Variants in PRIM2 observed in about 807,000 individuals in gnomAD.
PRIM2 encodes the protein DNA primase subunit 2, also known as DNA primase large subunit.
A neutral mutation model predicts 67.3 loss-of-function variants in PRIM2; 39 were observed. The ratio of observed to expected loss-of-function variants is 0.58; its 90% CI spans 0.45 to 0.76. The LOEUF (loss-of-function observed/expected upper bound fraction) is 0.76. PRIM2 is among the 30% of genes least tolerant of loss of function. The pLI, the probability that PRIM2 is intolerant of heterozygous loss-of-function variation, is 0.00. For synonymous variants in PRIM2, 143 were observed against 198.7 expected, an observed-to-expected ratio of 0.72 and a Z score of 2.36; for missense variants, 398 against 598.7, an observed-to-expected ratio of 0.66 and a Z score of 3.50.
chr6:57,248,703 G>A, the PRIM2 span, among the ~76,000 whole-genome samples: 1 of 152,164 alleles, frequency 6.6e-6, no homozygotes, highest in Non-Finnish European at 1.5e-5. Context: ...TCCATTGCAG[G>A]AGGGGACCAG....
the PRIM2 span, among the ~76,000 whole-genome samples, chr6:57,223,944 G>A: frequency 8.5e-5 from 13 of 152,078 alleles, no homozygotes; most frequent in Non-Finnish European, 1.6e-4. Context: ...TAGAATTATC[G>A]TATGATTAAA....
chr6:57,584,264 A>G (rs1233558936), intron 10 of PRIM2, among the ~76,000 whole-genome samples: 4 of 152,274 alleles, frequency 2.6e-5, no homozygotes, highest in Non-Finnish European at 4.4e-5. Context: ...AAACAAACCC[A>G]CTAGCCAGCC....
At chr6:57,625,296 A>C (rs1776929624) in intron 12 of PRIM2, among the ~76,000 whole-genome samples, 1 of 152,196 alleles carries the variant, frequency 6.6e-6, no homozygotes, top group South Asian at 2.1e-4. Flanking sequence ...AGATCTATGA[A>C]AAATGGATTC....
intron 7 of PRIM2, among the ~76,000 whole-genome samples, chr6:57,499,598 C>CTT (rs1279739549): frequency 6.6e-6 from 1 of 152,190 alleles, no homozygotes; most frequent in African/African-American, 2.4e-5. Context: ...TTCAGTCATA[C>CTT]TTCTGCACAA....
intron 5 of PRIM2, among the ~76,000 whole-genome samples, chr6:57,345,506 G>GTGTGTGTGTGTACA (rs369673115): frequency 0.054 from 6,542 of 121,798 alleles, 207 homozygotes; most frequent in Middle Eastern, 0.087. Flanking sequence ...GTGTGTGTGT[G>GTGTGTGTGTGTACA]TACATACATA....
intron 10 of PRIM2, among the ~76,000 whole-genome samples, chr6:57,571,565 G>T (rs1183578160): frequency 6.6e-6 from 1 of 152,126 alleles, no homozygotes; most frequent in African/African-American, 2.4e-5. Context: ...TGGGAGAATT[G>T]CTTCCACCTG....
At chr6:57,293,376 A>G in the PRIM2 span, among the ~76,000 whole-genome samples, 16 of 152,350 alleles carry the variant, frequency 1.1e-4, 1 homozygote, top group East Asian at 2.7e-3. Context: ...GAATGCTTTT[A>G]CACTGTTGGT....
chr6:57,505,524 G>A (rs1774231821), intron 7 of PRIM2, among the ~76,000 whole-genome samples: 1 of 152,178 alleles, frequency 6.6e-6, no homozygotes, highest in Admixed American at 6.5e-5. Flanking sequence ...TTAAGAAAAT[G>A]TCTGATGAAA....
At chr6:57,569,773 A>G (rs1775825937) in intron 10 of PRIM2, among the ~76,000 whole-genome samples, 1 of 149,138 alleles carries the variant, frequency 6.7e-6, no homozygotes, top group African/African-American at 2.5e-5. Context: ...TTTGAGATGG[A>G]GTCTTGCTCT....
chr6:57,502,091 C>T (rs2127457949), intron 7 of PRIM2, among the ~76,000 whole-genome samples: 1 of 152,230 alleles, frequency 6.6e-6, no homozygotes, highest in Admixed American at 6.5e-5. Context: ...CATGGTCACT[C>T]TTTTGGTAGT....
intron 10 of PRIM2, among the ~76,000 whole-genome samples, chr6:57,544,342 G>T (rs1342752223): frequency 6.6e-6 from 1 of 152,096 alleles, no homozygotes; most frequent in African/African-American, 2.4e-5. Flanking sequence ...GGGGTTTGGC[G>T]TGTTTCTGGT....
At chr6:57,239,758 T>C in the PRIM2 span, among the ~76,000 whole-genome samples, 1 of 152,068 alleles carries the variant, frequency 6.6e-6, no homozygotes, top group Admixed American at 6.6e-5. Flanking sequence ...AAAAAATTTG[T>C]TTAAATGCCA....
At chr6:57,310,195 G>A (rs1767353767), upstream of PRIM2, among the ~76,000 whole-genome samples, 2 of 152,200 alleles carry the variant, frequency 1.3e-5, no homozygotes, top group Admixed American at 6.5e-5. Flanking sequence ...ATGAAAAAAT[G>A]CTCATCATCA....
intron 7 of PRIM2, among the ~76,000 whole-genome samples, chr6:57,453,167 C>G (rs1414333221): frequency 6.6e-6 from 1 of 152,252 alleles, no homozygotes. Context: ...ATACAAATAC[C>G]ATGCTGTTTT....
In PRIM2 at chr6:57,606,461, G is replaced by C. The variant is rs1460725216; in HGVS notation, c.1230+4G>C. On this transcript the variant is annotated splice_donor_region_variant and intron_variant, in intron 12 of 13. Transcript: ENST00000615550. ...CTCTCCTGGAGGGATAAGCCAGGTAGGTCATATTCTTCTCTCTGCATCTGC... is the reference window on the plus strand; with the variant it reads ...CTCTCCTGGAGGGATAAGCCAGGTACGTCATATTCTTCTCTCTGCATCTGC... 2.5e-6 allele frequency: 4 copies of C among 1,570,600 alleles called. No individual in the cohort carries two copies. The East Asian group carries it at 9.0e-5, about 35-fold the overall frequency.
At chr6:57,329,454 T>C (rs1220788208) in intron 5 of PRIM2, among the ~76,000 whole-genome samples, 1 of 152,294 alleles carries the variant, frequency 6.6e-6, no homozygotes, top group East Asian at 1.9e-4. Context: ...ACTGTTGATA[T>C]GGTTTGATTG....
At chr6:57,638,809 G>T (rs1485985426) in intron 13 of PRIM2, among the ~76,000 whole-genome samples, 6 of 152,024 alleles carry the variant, frequency 3.9e-5, no homozygotes, top group Admixed American at 2.0e-4. Flanking sequence ...CACAATAATA[G>T]TGGGAGACTT....
At position 57,572,096 on chromosome 6, in the gene PRIM2, T is replaced by C. The variant is rs1279993384; in HGVS notation, c.1021-28997T>C. ...TAAATCCTAGATTTTTTCTAACTTA[T>C]GCCTCTTATTTCCTGCCTGCTTCCT... On this transcript the variant is annotated intron_variant, in intron 10 of 13. Coordinates refer to ENST00000615550, the MANE Select transcript of PRIM2 (RefSeq NM_000947.5). Among the ~76,000 whole-genome samples the C allele has an allele frequency of 1.4e-3, 213 of 152,378 alleles. 5 individuals carry two copies. The East Asian group carries it at 0.019, about 14-fold the overall frequency.
intron 10 of PRIM2, among the ~76,000 whole-genome samples, chr6:57,550,574 T>C (rs1468740160): frequency 2.0e-5 from 3 of 152,202 alleles, no homozygotes; most frequent in Non-Finnish European, 4.4e-5. Context: ...TTTTAATTCT[T>C]AAATTATGGA....
Sources: gnomAD v4.1 joint callset for allele counts (sites outside exome capture counted in the v4.1 genomes callset) on GRCh38, gnomAD v4.1.1 for gene constraint, MANE v1.5 for transcripts, NCBI Gene and HGNC (gene_info 2026-07-23, HGNC 2026-07-21) for gene names.